The following UNC93A variants were observed in gnomAD, a reference collection of about 807,000 sequenced individuals.
UNC93A encodes N-acetylglucosamine transporter UNC93A.
UNC93A carries 43 observed loss-of-function variants against 47.5 expected under a neutral mutation model. The observed-to-expected ratio is 0.91, with a 90% CI of 0.71 to 1.17. UNC93A has a LOEUF of 1.17. Ranked by LOEUF, UNC93A falls within the 50% of genes most tolerant of loss-of-function variation. UNC93A has a pLI of 0.00. For missense variants in UNC93A, 605 were observed against 577.6 expected (o/e 1.05, Z -0.49); for synonymous variants, 280 against 258.0 (o/e 1.09, Z -0.82).
At chr6:167,273,676 T>TG (rs1416535578) in intron 1 of UNC93A, among the ~76,000 whole-genome samples, 5 of 152,130 alleles carry the variant, frequency 3.3e-5, no homozygotes, top group Non-Finnish European at 7.3e-5. Flanking sequence ...ATACATGCTA[T>TG]AGGGCATAAG....
chr6:167,283,902 G>A (rs6934766), intron 1 of UNC93A, among the ~76,000 whole-genome samples: 3,016 of 152,314 alleles, frequency 0.02, 108 homozygotes, highest in African/African-American at 0.067. Flanking sequence ...TTGAGTCTTC[G>A]TGGTATGAGG....
chr6:167,291,775 G>A (rs113626729), intron 1 of UNC93A, among the ~76,000 whole-genome samples, 199 bp downstream of exon 1: 5,756 of 152,316 alleles, frequency 0.038, 153 homozygotes, highest in Non-Finnish European at 0.057. Context: ...CGTCTCAATA[G>A]GATTGCACAA....
Position 167,291,657 on chromosome 6 carries a change from A to G in UNC93A, c.87+81A>G. ...TGGTCACAGACAATAATGAATTGGA[A>G]ATTTGAAAAATCTAATTCACCTGGT... On this transcript the variant is annotated intron_variant, in intron 1 of 7. Transcript: ENST00000230256. 3.0e-6 allele frequency: 4 copies of G among 1,343,618 alleles called. No homozygotes were observed. In the Middle Eastern group the frequency reaches 5.6e-4, roughly 188 times the overall value. 83.2% of individuals were successfully genotyped at this position (1,343,618 alleles called of 1,614,324 possible). A position where few individuals can be genotyped will look rare whatever the true frequency, so the allele number is the denominator to read the frequency against.
chr6:167,289,621 G>A (rs564218463), upstream of UNC93A, among the ~76,000 whole-genome samples: 1 of 151,988 alleles, frequency 6.6e-6, no homozygotes, highest in South Asian at 2.1e-4. Flanking sequence ...GAGGGGAAGA[G>A]CAGCCTCTGG....
chr6:167,279,164 A>G (rs1248218905), intron 1 of UNC93A, among the ~76,000 whole-genome samples: 2 of 152,222 alleles, frequency 1.3e-5, no homozygotes, highest in African/African-American at 2.4e-5. Context: ...GTGGAAATCT[A>G]TGGCACATAC....
chr6:167,308,531 G>A (rs958414128), intron 7 of UNC93A, among the ~76,000 whole-genome samples: 6 of 151,996 alleles, frequency 3.9e-5, no homozygotes, highest in South Asian at 2.1e-4. Context: ...TCTGCATCAC[G>A]TATGGGCTGA....
At chr6:167,300,867 T>C (rs1367803197) in intron 4 of UNC93A, among the ~76,000 whole-genome samples, 1 of 152,176 alleles carries the variant, frequency 6.6e-6, no homozygotes, top group Non-Finnish European at 1.5e-5. Flanking sequence ...ACTTCTCCTA[T>C]CTATAAAAGA....
upstream of UNC93A, chr6:167,291,282 G>A (rs1381367472): frequency 1.6e-5 from 7 of 438,948 alleles, no homozygotes; most frequent in African/African-American, 4.1e-5. Context: ...CAGAGCTCCC[G>A]TATGCTTCAT....
intron 1 of UNC93A, among the ~76,000 whole-genome samples, chr6:167,285,118 G>A (rs920326653): frequency 6.9e-6 from 1 of 144,408 alleles, no homozygotes; most frequent in East Asian, 2.2e-4. Flanking sequence ...AGAGGGGCAG[G>A]ACTGAGTGGG....
In UNC93A at chr6:167,294,629, G is replaced by A; in HGVS notation, c.200G>A (p.Cys67Tyr). 6.2e-7 allele frequency: 1 copy of A among 1,613,658 alleles called. No homozygotes were observed. Among genetic ancestry groups the A allele is most frequent in the Non-Finnish European group, 8.5e-7 (1 of 1,179,660 alleles). The change falls in exon 2 of 8, where the codon TGC becomes TAC. Residue 67 changes from cysteine to tyrosine, a missense_variant. Transcript: ENST00000230256. ...CCGCTCCTCATCGAGAGGCTGGGCT[G>A]CAAGGGGACCATCATCCTCTCCATG... ...LPPLLIERLG[C>Y]KGTIILSMCG...
chr6:167,290,118 C>T (rs564303479), upstream of UNC93A, among the ~76,000 whole-genome samples: 6 of 152,232 alleles, frequency 3.9e-5, no homozygotes, highest in South Asian at 1.2e-3. Context: ...ACTCAGTGAC[C>T]CACCTGAGAT....
chr6:167,271,863 T>C (rs539563555), intron 1 of UNC93A, among the ~76,000 whole-genome samples: 3 of 152,272 alleles, frequency 2.0e-5, no homozygotes, highest in East Asian at 1.9e-4. Flanking sequence ...GAAAAGACCT[T>C]TGGGCTTCTA....
intron 1 of UNC93A, among the ~76,000 whole-genome samples, chr6:167,279,108 C>T (rs570410238): frequency 6.6e-6 from 1 of 152,322 alleles, no homozygotes; most frequent in East Asian, 1.9e-4. Flanking sequence ...TACAAATTCA[C>T]TAGTTAAGAC....
At chr6:167,272,837 A>C (rs1401391307) in intron 1 of UNC93A, among the ~76,000 whole-genome samples, 8 of 152,178 alleles carry the variant, frequency 5.3e-5, no homozygotes, top group Non-Finnish European at 1.5e-5. Context: ...CAGGCTTCAG[A>C]GGGAACAGAT....
chr6:167,299,202 GTATA>G (rs3046657), intron 4 of UNC93A, among the ~76,000 whole-genome samples: 32,625 of 147,024 alleles, frequency 0.22, 3,877 homozygotes, highest in African/African-American at 0.3. Context: ...ATTTCTATAT[GTATA>G]TATATATATA....
chr6:167,301,870 G>A (rs1244583723), intron 4 of UNC93A, among the ~76,000 whole-genome samples: 1 of 152,144 alleles, frequency 6.6e-6, no homozygotes, highest in Non-Finnish European at 1.5e-5. Context: ...CCTGATCATT[G>A]TAAATACCCT....
chr6:167,309,786 C>T (rs1778507938), intron 7 of UNC93A, among the ~76,000 whole-genome samples: 1 of 152,282 alleles, frequency 6.6e-6, no homozygotes, highest in South Asian at 2.1e-4. Flanking sequence ...TGAACAAACC[C>T]ACACTGTTGG....
chr6:167,297,902 A>T, intron 3 of UNC93A, 43 bp from the exon 4 acceptor site: 1 of 1,604,186 alleles, frequency 6.2e-7, no homozygotes, highest in Non-Finnish European at 8.5e-7. Flanking sequence ...ATCTTGTCAC[A>T]TTTGCCGTCA....
rs1403956132 is a variant in UNC93A, at chr6:167,296,276, G to T, written c.499+15G>T. 6.2e-7 allele frequency: 1 copy of T among 1,613,356 alleles called. No homozygotes were observed. Among genetic ancestry groups the T allele is most frequent in the Non-Finnish European group, 8.5e-7 (1 of 1,179,398 alleles). On this transcript the variant is annotated intron_variant, in intron 3 of 7. Transcript: ENST00000230256. ...TCCCAGCCAAGGTAAAAGGAAAAGG[G>T]GCAAGCAATTGTCTCCAAGTGGAGC...
Sources: allele counts gnomAD v4.1 joint callset (sites outside exome capture counted in the v4.1 genomes callset), GRCh38; gene constraint gnomAD v4.1.1; transcripts MANE v1.5; gene names NCBI Gene and HGNC (gene_info 2026-07-23, HGNC 2026-07-21).